Variants in ASCC3 observed in about 807,000 individuals in gnomAD.
ASCC3 encodes ASC-1 complex subunit P200.
A neutral mutation model predicts 256.3 loss-of-function variants in ASCC3; 158 were observed. That is an observed-to-expected ratio of 0.62 (90% CI 0.54 to 0.70). The LOEUF (loss-of-function observed/expected upper bound fraction) is 0.70, where lower values mean the gene tolerates loss of function less well. Ranked by LOEUF, ASCC3 falls within the 30% of genes least tolerant of loss-of-function variation. ASCC3 has a pLI of 0.00. For synonymous variants in ASCC3, 948 were observed against 883.4 expected (o/e 1.07, Z -1.30); for missense variants, 2,259 against 2,626.0 (o/e 0.86, Z 3.05).
chr6:100,814,593 A>G (rs549134378), intron 4 of ASCC3, among the ~76,000 whole-genome samples: 1 of 152,010 alleles, frequency 6.6e-6, no homozygotes, highest in South Asian at 2.1e-4. Context: ...TAGTTGTATG[A>G]TATTTATCAC....
intron 30 of ASCC3, among the ~76,000 whole-genome samples, chr6:100,623,103 A>G (rs557247681): frequency 6.6e-6 from 1 of 152,242 alleles, no homozygotes; most frequent in African/African-American, 2.4e-5. Flanking sequence ...TGAGTCATCA[A>G]TATTTTGTAT....
intron 4 of ASCC3, among the ~76,000 whole-genome samples, chr6:100,818,482 G>A (rs565814329): frequency 3.3e-5 from 5 of 150,488 alleles, no homozygotes; most frequent in East Asian, 2.0e-4. Flanking sequence ...CAGGAGAACC[G>A]CTTGAACCCA....
intron 1 of ASCC3, among the ~76,000 whole-genome samples, chr6:100,869,780 T>C (rs1056534193): frequency 6.6e-6 from 1 of 151,664 alleles, no homozygotes; most frequent in Admixed American, 6.6e-5. Context: ...ACTGAAAACA[T>C]AGGAAAGGAA....
At chr6:100,575,476 T>C (rs1244985286) in intron 36 of ASCC3, among the ~76,000 whole-genome samples, 2 of 152,094 alleles carry the variant, frequency 1.3e-5, no homozygotes, top group Non-Finnish European at 2.9e-5. Context: ...AGCATGCTTT[T>C]AAAGAGAACA....
chr6:100,861,017 A>G (rs1773199308), intron 3 of ASCC3, among the ~76,000 whole-genome samples: 1 of 152,110 alleles, frequency 6.6e-6, no homozygotes, highest in South Asian at 2.1e-4. Context: ...TGAGAAAGGA[A>G]GGCTAAAGCA....
At chr6:100,792,576 C>T (rs191290178) in intron 8 of ASCC3, among the ~76,000 whole-genome samples, 66 of 151,960 alleles carry the variant, frequency 4.3e-4, no homozygotes, top group South Asian at 2.1e-4. Flanking sequence ...ATTGCTAGTG[C>T]TATAAATTAT....
At chr6:100,811,619 G>A (rs967348790) in intron 4 of ASCC3, among the ~76,000 whole-genome samples, 6 of 151,706 alleles carry the variant, frequency 4.0e-5, no homozygotes, top group East Asian at 1.9e-4. Context: ...AAAAAACCTC[G>A]ATATAAAAAA....
chr6:100,586,364 C>T (rs537348128), intron 36 of ASCC3, among the ~76,000 whole-genome samples: 32 of 152,268 alleles, frequency 2.1e-4, no homozygotes, highest in Non-Finnish European at 4.0e-4. Context: ...AGTGAGACTC[C>T]GTGGGCGTAG....
At chr6:100,872,192 T>C (rs1051161112) in intron 1 of ASCC3, among the ~76,000 whole-genome samples, 5 of 152,136 alleles carry the variant, frequency 3.3e-5, no homozygotes, top group Admixed American at 1.3e-4. Flanking sequence ...GGCATGGTCT[T>C]ACAAATTAAT....
chr6:100,526,356 G>C (rs1484551089), intron 37 of ASCC3, among the ~76,000 whole-genome samples: 2 of 152,144 alleles, frequency 1.3e-5, no homozygotes, highest in Non-Finnish European at 2.9e-5. Flanking sequence ...CCGGGAAAAG[G>C]GTTGTTATGT....
At chr6:100,598,879 A>C (rs1222330026) in intron 34 of ASCC3, among the ~76,000 whole-genome samples, 1 of 152,220 alleles carries the variant, frequency 6.6e-6, no homozygotes, top group African/African-American at 2.4e-5. Context: ...GGCAAAATTG[A>C]AAGACAGACT....
chr6:100,812,598 A>T (rs1379139076), intron 4 of ASCC3, among the ~76,000 whole-genome samples: 1 of 152,194 alleles, frequency 6.6e-6, no homozygotes, highest in Non-Finnish European at 1.5e-5. Context: ...AGAAATAATC[A>T]GCAAACTGGA....
Position 100,652,729 on chromosome 6 carries a change from A to G in ASCC3, c.2984T>C (p.Ile995Thr), listed in dbSNP as rs1200615816. Reference protein sequence around the residue: ...ASHYYIKYNTIETFNELFDAH... With the variant: ...ASHYYIKYNTTETFNELFDAH... Reference sequence around the variant, plus strand: ...ATATTTGCATTAGTATAATACCTCAATGGTGTTGTATTTAATATAGTAATG... The same window carrying G: ...ATATTTGCATTAGTATAATACCTCAGTGGTGTTGTATTTAATATAGTAATG... The change falls in exon 18 of 42, where the codon ATT becomes ACT. Residue 995 changes from isoleucine to threonine, a missense_variant. Around this residue, in one of 2 missense-constraint regions of ASCC3, gnomAD observed 1,839 missense variants for 2,206.7 expected, o/e 0.83. Coordinates refer to ENST00000369162, the MANE Select transcript of ASCC3 (RefSeq NM_006828.4). The G allele has an allele frequency of 2.5e-6, 4 of 1,612,824 alleles. No homozygotes were observed. Among genetic ancestry groups the G allele is most frequent in the African/African-American group, 2.7e-5 (2 of 74,890 alleles).
intron 37 of ASCC3, among the ~76,000 whole-genome samples, chr6:100,520,756 T>G (rs1004241365): frequency 1.3e-5 from 2 of 152,196 alleles, no homozygotes; most frequent in Non-Finnish European, 2.9e-5. Flanking sequence ...TACAGGCTCA[T>G]AGCCTAGATG....
chr6:100,638,542 G>A, intron 25 of ASCC3, 59 bp downstream of exon 25: 1 of 1,393,330 alleles, frequency 7.2e-7, no homozygotes, highest in Non-Finnish European at 1.0e-6. Context: ...GAACTGTCTA[G>A]TTTAGAGATT....
intron 30 of ASCC3, among the ~76,000 whole-genome samples, chr6:100,621,851 G>A (rs1482688413): frequency 2.6e-5 from 4 of 152,158 alleles, no homozygotes; most frequent in Non-Finnish European, 5.9e-5. Flanking sequence ...ATGCCCATCA[G>A]TGATAGACTG....
At chr6:100,739,653 A>G (rs933285996) in intron 10 of ASCC3, among the ~76,000 whole-genome samples, 5 of 151,990 alleles carry the variant, frequency 3.3e-5, no homozygotes, top group Non-Finnish European at 7.4e-5. Context: ...TTTCTTCCTG[A>G]TCTAGTTTTG....
chr6:100,616,796 T>C (rs1178747042), intron 30 of ASCC3, among the ~76,000 whole-genome samples: 1 of 152,226 alleles, frequency 6.6e-6, no homozygotes, highest in Non-Finnish European at 1.5e-5. Context: ...TTCTTTTAGC[T>C]ACCTGGATCT....
chr6:100,602,207 CAT>C lies in ASCC3; in HGVS notation c.5178-274_5178-273del, dbSNP rs376535490. Among the ~76,000 whole-genome samples the C allele has an allele frequency of 5.0e-4, 76 of 152,008 alleles. No individual in the cohort carries two copies. In the East Asian group the frequency reaches 0.011, roughly 21 times the overall value. ...GGTGAACCCGTATTATTCACCAGTA[CAT>C]ATATGTGTTCTCATTTTCTTTTAAA... is the stretch of plus-strand genomic sequence containing the variant. On this transcript the variant is annotated intron_variant, in intron 33 of 41. Coordinates refer to ENST00000369162, the MANE Select transcript of ASCC3 (RefSeq NM_006828.4).
Sources: gnomAD v4.1 joint callset for allele counts (sites outside exome capture counted in the v4.1 genomes callset) on GRCh38, gnomAD v4.1.1 for gene constraint, gnomAD v4.1.1 regional missense constraint, MANE v1.5 for transcripts, NCBI Gene and HGNC (gene_info 2026-07-23, HGNC 2026-07-21) for gene names.